The following EFEMP2 variants were observed in gnomAD, a reference collection of about 807,000 sequenced individuals.
The protein encoded by EFEMP2 is EGF-like fibulin extracellular matrix protein 2.
In EFEMP2, 21 loss-of-function variants were observed where a neutral mutation model predicts 55.3. The ratio of observed to expected loss-of-function variants is 0.38; its 90% CI spans 0.27 to 0.55. EFEMP2 has a LOEUF of 0.55. Among genes scored for constraint, EFEMP2 ranks in the 20% least tolerant of loss-of-function variants. The probability of loss-of-function intolerance (pLI) is 0.77; values close to 1 mark genes in which losing one functional copy is unlikely to be tolerated. For synonymous variants in EFEMP2, 275 were observed against 242.3 expected (o/e 1.14, Z -1.25); for missense variants, 513 against 615.1 (o/e 0.83, Z 1.76).
chr11:65,872,667 G>C lies in EFEMP2; in HGVS notation c.-8+16C>G. 3.1e-6 allele frequency: 1 copy of C among 317,768 alleles called. No homozygotes were observed. Among genetic ancestry groups the C allele is most frequent in the South Asian group, 2.4e-5 (1 of 41,528 alleles). 19.7% of individuals were successfully genotyped at this position (317,768 alleles called of 1,614,324 possible). ...CCGGCCCACGCCCTCCCCCACGGAC[G>C]GTCACAGCCACTCACTTGGGCCCGC... is the stretch of plus-strand genomic sequence containing the variant. On this transcript the variant is annotated intron_variant, in intron 1 of 10. Coordinates refer to ENST00000307998, the MANE Select transcript of EFEMP2 (RefSeq NM_016938.5).
At chr11:65,867,275 C>G (rs1468708824) in intron 10 of EFEMP2, 196 bp from the exon 11 acceptor site, 1 of 640,872 alleles carries the variant, frequency 1.6e-6, no homozygotes, top group Non-Finnish European at 2.7e-6. Flanking sequence ...CCTCAGAAAT[C>G]TCCTGCTGGG....
In EFEMP2 at chr11:65,871,265, C is replaced by T. The variant is rs149525720; in HGVS notation, c.259G>A (p.Val87Ile). ...GYLCLPRSAA[V>I]INDLHGEGPP... ...CCCTCGCCGTGTAGGTCGTTGATGA[C>T]GGCAGCGGAGCGGGGCAGGCACAAG... The change falls in exon 4 of 11, where the codon GTC (valine) becomes ATC (isoleucine). Residue 87 changes from valine (V) to isoleucine (I), a missense_variant. Transcript: ENST00000307998. 1.2e-4 allele frequency: 187 copies of T among 1,613,912 alleles called. No homozygotes were observed. The highest frequency in any genetic ancestry group is 8.0e-4 in the African/African-American group (60 of 74,920).
intron 5 of EFEMP2, 123 bp from the exon 6 acceptor site, chr11:65,870,360 G>T: frequency 1.4e-6 from 2 of 1,398,544 alleles, no homozygotes; most frequent in African/African-American, 1.4e-5. Flanking sequence ...GAATTAGGCA[G>T]GGTCAGCCAG....
At chr11:65,872,505 TC>T in intron 1 of EFEMP2, 144 bp from the exon 2 acceptor site, 1 of 590,290 alleles carries the variant, frequency 1.7e-6, no homozygotes, top group South Asian at 1.9e-5. Context: ...GGCCGACTCC[TC>T]ACAGGCCCAG....
At position 65,869,963 on chromosome 11, in the gene EFEMP2, A is replaced by G. The variant is rs1252561766; in HGVS notation, c.621T>C (p.Cys207=). 1.1e-5 allele frequency: 17 copies of G among 1,613,924 alleles called. No individual in the cohort carries two copies. The highest frequency in any genetic ancestry group is 2.7e-5 in the African/African-American group (2 of 75,036). The change falls in exon 7 of 11, where the codon TGT becomes TGC. Residue 207 remains cysteine, a synonymous_variant. Coordinates refer to ENST00000307998, the MANE Select transcript of EFEMP2 (RefSeq NM_016938.5). Reference sequence around the variant, plus strand: ...GCTGCTCGCATGGGGCCCCCATGTCACACTCGTTCACATCTGGGGGTGCCA... The same window carrying G: ...GCTGCTCGCATGGGGCCCCCATGTCGCACTCGTTCACATCTGGGGGTGCCA... ...NNRSCVDVNE[C]DMGAPCEQRC... is the part of the protein sequence containing the mutation.
At chr11:65,867,575 G>A (rs1353602831) in intron 10 of EFEMP2, 6 of 502,680 alleles carry the variant, frequency 1.2e-5, no homozygotes, top group Non-Finnish European at 1.8e-5. Flanking sequence ...TCTGACCCCA[G>A]GGCCCTGCAC....
At chr11:65,872,147 C>G in intron 2 of EFEMP2, 97 bp downstream of exon 2, 1 of 1,495,270 alleles carries the variant, frequency 6.7e-7, no homozygotes, top group Non-Finnish European at 9.1e-7. Flanking sequence ...CTCCACCAGC[C>G]AGGGGAGGAA....
At chr11:65,872,479 G>A in intron 1 of EFEMP2, 118 bp from the exon 2 acceptor site, 1 of 691,738 alleles carries the variant, frequency 1.4e-6, no homozygotes, top group South Asian at 1.7e-5. Flanking sequence ...GGGCCTCGGG[G>A]CCTCCCAGGG....
chr11:65,872,545 G>A, intron 1 of EFEMP2, 138 bp downstream of exon 1: 1 of 422,400 alleles, frequency 2.4e-6, no homozygotes, highest in East Asian at 4.4e-5. Context: ...AGGCCCACCC[G>A]CCCCGGCCAC....
Position 65,868,335 on chromosome 11 carries a change from T to C in EFEMP2, c.934A>G (p.Thr312Ala), listed in dbSNP as rs148410446. 4.9e-4 allele frequency: 793 copies of C among 1,613,824 alleles called. No homozygotes were observed. The highest frequency in any genetic ancestry group is 3.7e-4 in the Non-Finnish European group (436 of 1,180,026). Residue 312 changes from threonine to alanine, a missense_variant, in exon 9 of 11, where the codon ACC (threonine) becomes GCC (alanine). Thr to Ala is a moderately conservative substitution (Grantham distance 58). Coordinates refer to ENST00000307998, the MANE Select transcript of EFEMP2 (RefSeq NM_016938.5). ...ATGTAGGGCTCCACGCAGCGGTTGG[T>C]GTCCACGCAGCGGTAGCCCCCATGG... is the stretch of plus-strand genomic sequence containing the variant. ...NFHGGYRCVD[T>A]NRCVEPYIQV...
rs190672191 is a variant in EFEMP2, at chr11:65,871,850, G to A, written c.160+120C>T. 99 of 1,265,982 alleles carry A rather than the reference G, an allele frequency of 7.8e-5. No homozygotes were observed. The African/African-American group carries it at 1.1e-3, about 14-fold the overall frequency. The allele number at this position is 1,265,982 out of a possible 1,614,324, so 78.4% of individuals were successfully genotyped here. The stretch of plus-strand genomic sequence containing the variant: ...AGCTGGCCTCTGTGTAGCAGAGCTG[G>A]GCATAGAACGGGCTGCTGGGCTCCC... On this transcript the variant is annotated intron_variant, in intron 3 of 10. Coordinates refer to ENST00000307998, the MANE Select transcript of EFEMP2 (RefSeq NM_016938.5).
intron 4 of EFEMP2, 156 bp from the exon 5 acceptor site, chr11:65,870,814 A>G: frequency 9.8e-7 from 1 of 1,024,076 alleles, no homozygotes; most frequent in African/African-American, 1.6e-5. Flanking sequence ...CTAAAACCAC[A>G]TGTTGGGGGT....
intron 5 of EFEMP2, 140 bp downstream of exon 5, chr11:65,870,396 C>T (rs1400047187): frequency 6.9e-7 from 1 of 1,453,770 alleles, no homozygotes. Context: ...CTCCCCGCTA[C>T]AGTCCTCTGT....
chr11:65,870,323 C>G (rs1565273960), intron 5 of EFEMP2, 86 bp from the exon 6 acceptor site: 1 of 1,458,150 alleles, frequency 6.9e-7, no homozygotes, highest in Non-Finnish European at 9.6e-7. Flanking sequence ...AAGGCTTCAC[C>G]ACCCATAATC....
intron 7 of EFEMP2, chr11:65,868,869 G>C: frequency 1.9e-6 from 1 of 533,082 alleles, no homozygotes; most frequent in South Asian, 2.0e-5. Flanking sequence ...AAGTTACTGG[G>C]AATCTAGAGG....
intron 1 of EFEMP2, 33 bp downstream of exon 1, chr11:65,872,650 C>T: frequency 2.0e-5 from 6 of 305,616 alleles, no homozygotes; most frequent in South Asian, 5.7e-5. Context: ...CTCCGGCCCA[C>T]GCCCTCCCCC....
intron 10 of EFEMP2, chr11:65,867,325 GCTAA>G: frequency 3.5e-6 from 2 of 572,570 alleles, no homozygotes; most frequent in South Asian, 4.0e-5. Flanking sequence ...TCTGACCCAG[GCTAA>G]CTGACGATTC....
At position 65,872,675 on chromosome 11, in the gene EFEMP2, C is replaced by G; in HGVS notation, c.-8+8G>C. ...CGCCCTCCCCCACGGACGGTCACAG[C>G]CACTCACTTGGGCCCGCGACACCCC... is the stretch of plus-strand genomic sequence containing the variant. On this transcript the variant is annotated splice_region_variant and intron_variant, in intron 1 of 10. Coordinates refer to ENST00000307998, the MANE Select transcript of EFEMP2 (RefSeq NM_016938.5). 2 of 342,390 alleles carry G rather than the reference C, an allele frequency of 5.8e-6. No homozygotes were observed. Among genetic ancestry groups the G allele is most frequent in the African/African-American group, 2.2e-5 (1 of 44,744 alleles). The allele number at this position is 342,390 out of a possible 1,614,324, so 21.2% of individuals were successfully genotyped here.
In EFEMP2 at chr11:65,867,127, G is replaced by T. The variant is rs559531603; in HGVS notation, c.1171-48C>A. On this transcript the variant is annotated intron_variant, in intron 10 of 10. Coordinates refer to ENST00000307998, the MANE Select transcript of EFEMP2 (RefSeq NM_016938.5). Reference sequence around the variant, plus strand: ...ACATATATATTGTGTCAGCCTGTGTGCTAGGCCCCTGCCCCAGCGTCACCT... The same window carrying T: ...ACATATATATTGTGTCAGCCTGTGTTCTAGGCCCCTGCCCCAGCGTCACCT... 3 of 1,609,262 alleles carry T rather than the reference G, an allele frequency of 1.9e-6. No individual in the cohort carries two copies. In the South Asian group the frequency reaches 3.3e-5, roughly 18 times the overall value.
Sources: gnomAD v4.1 joint callset for allele counts on GRCh38, gnomAD v4.1.1 for gene constraint, MANE v1.5 for transcripts, NCBI Gene and HGNC (gene_info 2026-07-23, HGNC 2026-07-21) for gene names.